NEDD4L: variants seen among roughly 807,000 people sequenced by gnomAD.
NEDD4L encodes the protein E3 ubiquitin-protein ligase NEDD4-like.
Under a neutral mutation model 148.9 loss-of-function variants are expected in NEDD4L, and 54 were observed. The ratio of observed to expected loss-of-function variants is 0.36; its 90% CI spans 0.29 to 0.45. NEDD4L has a LOEUF of 0.45. Ranked by LOEUF, NEDD4L falls within the 20% of genes least tolerant of loss-of-function variation. The pLI is 1.00. For synonymous variants in NEDD4L, 433 were observed against 440.7 expected, an observed-to-expected ratio of 0.98 and a Z score of 0.22; for missense variants, 856 against 1,233.8, an observed-to-expected ratio of 0.69 and a Z score of 4.59.
intron 30 of NEDD4L, among the ~76,000 whole-genome samples, chr18:58,393,167 A>G (rs2050049448): frequency 6.6e-6 from 1 of 152,252 alleles, no homozygotes; most frequent in Non-Finnish European, 1.5e-5. Context: ...CTGTGACTTC[A>G]GGGACACATA....
intron 2 of NEDD4L, among the ~76,000 whole-genome samples, chr18:58,169,268 C>A (rs535005310): frequency 6.6e-6 from 1 of 152,336 alleles, no homozygotes; most frequent in African/African-American, 2.4e-5. Flanking sequence ...CGAGCCGCGA[C>A]TCCACTTGAA....
At chr18:58,365,212 G>A (rs2045958395) in intron 20 of NEDD4L, among the ~76,000 whole-genome samples, 1 of 152,180 alleles carries the variant, frequency 6.6e-6, no homozygotes, top group African/African-American at 2.4e-5. Context: ...AACTGCTATT[G>A]AAATGATTCT....
At chr18:58,108,673 G>A (rs1211660029) in intron 1 of NEDD4L, among the ~76,000 whole-genome samples, 6 of 152,082 alleles carry the variant, frequency 3.9e-5, no homozygotes, top group African/African-American at 1.4e-4. Flanking sequence ...CACCCACCTC[G>A]GCCCCCCAAA....
intron 1 of NEDD4L, among the ~76,000 whole-genome samples, chr18:58,133,632 A>G (rs912346793): frequency 6.6e-6 from 1 of 152,224 alleles, no homozygotes; most frequent in African/African-American, 2.4e-5. Flanking sequence ...ATAATGCAGC[A>G]AACATATCAT....
intron 6 of NEDD4L, among the ~76,000 whole-genome samples, chr18:58,321,256 G>A (rs2149469436): frequency 6.6e-6 from 1 of 152,322 alleles, no homozygotes; most frequent in South Asian, 2.1e-4. Flanking sequence ...GGGTGATAAG[G>A]GTGGCTGATG....
chr18:58,264,465 T>C (rs565979504), intron 5 of NEDD4L, among the ~76,000 whole-genome samples: 1 of 152,230 alleles, frequency 6.6e-6, no homozygotes, highest in East Asian at 1.9e-4. Context: ...ATTTTAAAGA[T>C]GAGGAAAGTG....
At chr18:58,045,620 G>A (rs978244938) in intron 1 of NEDD4L, 1 of 152,864 alleles carries the variant, frequency 6.5e-6, no homozygotes, top group Non-Finnish European at 1.5e-5. Context: ...TTATTGGTAT[G>A]TTGCTCTGCC....
intron 1 of NEDD4L, among the ~76,000 whole-genome samples, chr18:58,132,281 G>A (rs911460199): frequency 5.3e-5 from 8 of 152,162 alleles, no homozygotes; most frequent in African/African-American, 1.9e-4. Flanking sequence ...GGAGAGAGGG[G>A]ATTAGAAGAA....
chr18:58,235,638 T>A (rs2045923351), intron 2 of NEDD4L, among the ~76,000 whole-genome samples: 1 of 152,200 alleles, frequency 6.6e-6, no homozygotes, highest in Admixed American at 6.5e-5. Flanking sequence ...ACGTTCATAG[T>A]TCCTGTGCTT....
chr18:58,155,283 C>G (rs1438876047), intron 1 of NEDD4L, among the ~76,000 whole-genome samples: 1 of 133,624 alleles, frequency 7.5e-6, no homozygotes, highest in Non-Finnish European at 1.6e-5. Context: ...AAAAAAAAAG[C>G]GAGACAATTT....
intron 5 of NEDD4L, among the ~76,000 whole-genome samples, chr18:58,294,297 T>C (rs2055215934): frequency 6.6e-6 from 1 of 152,216 alleles, no homozygotes; most frequent in South Asian, 2.1e-4. Context: ...ATCAAGGCTA[T>C]TGAATTTGGT....
chr18:58,398,359 G>A lies in NEDD4L; in HGVS notation c.*2090G>A, dbSNP rs901789879. 6.6e-6 allele frequency: 1 copy of A among 151,832 alleles called. No individual in the cohort carries two copies. The highest frequency in any genetic ancestry group is 1.5e-5 in the Non-Finnish European group (1 of 67,998). The allele number at this position is 151,832 out of a possible 1,614,324, so 9.4% of individuals were successfully genotyped here. ...CTGAGTCGAGCAGTATGCTTTCTTGGTTTTTGAGAGTAATTGTGTAATTGT... is the reference window on the plus strand; with the variant it reads ...CTGAGTCGAGCAGTATGCTTTCTTGATTTTTGAGAGTAATTGTGTAATTGT... On this transcript the variant is annotated 3_prime_UTR_variant, in exon 31 of 31. Coordinates refer to ENST00000400345, the MANE Select transcript of NEDD4L (RefSeq NM_001144967.3).
chr18:58,198,490 A>T (rs745349504), intron 2 of NEDD4L, among the ~76,000 whole-genome samples: 28 of 152,190 alleles, frequency 1.8e-4, no homozygotes, highest in Non-Finnish European at 3.7e-4. Flanking sequence ...TGCTGGTGGC[A>T]AAAGGATCCC....
At chr18:58,359,663 G>A (rs898156388) in intron 19 of NEDD4L, among the ~76,000 whole-genome samples, 2 of 152,224 alleles carry the variant, frequency 1.3e-5, no homozygotes, top group South Asian at 4.1e-4. Flanking sequence ...TTTCTGGGGT[G>A]AGTTTTGATC....
At chr18:58,095,098 T>G (rs1474422045) in intron 1 of NEDD4L, among the ~76,000 whole-genome samples, 1 of 152,204 alleles carries the variant, frequency 6.6e-6, no homozygotes, top group East Asian at 1.9e-4. Flanking sequence ...TTTCACAAGT[T>G]AAGATGTTGT....
At chr18:58,096,893 ATC>A (rs1471247033) in intron 1 of NEDD4L, among the ~76,000 whole-genome samples, 20 of 152,316 alleles carry the variant, frequency 1.3e-4, no homozygotes, top group Admixed American at 3.9e-4. Context: ...GCCTTGCAGA[ATC>A]TTTATCATTG....
intron 5 of NEDD4L, among the ~76,000 whole-genome samples, chr18:58,289,123 A>G (rs971724564): frequency 2.6e-5 from 4 of 152,248 alleles, no homozygotes; most frequent in Non-Finnish European, 5.9e-5. Context: ...TTCAGTGACA[A>G]GAGTGCCAGA....
intron 30 of NEDD4L, among the ~76,000 whole-genome samples, chr18:58,393,192 T>A (rs952478809): frequency 2.0e-5 from 3 of 152,256 alleles, no homozygotes; most frequent in African/African-American, 7.2e-5. Flanking sequence ...ACTATTGAAC[T>A]GTCTTTTTTA....
At chr18:58,291,790 A>G (rs1199063808) in intron 5 of NEDD4L, among the ~76,000 whole-genome samples, 2 of 151,988 alleles carry the variant, frequency 1.3e-5, no homozygotes, top group Non-Finnish European at 1.5e-5. Context: ...CCCCCACCCC[A>G]TGGATACAGT....
Sources: allele counts gnomAD v4.1 joint callset (sites outside exome capture counted in the v4.1 genomes callset), GRCh38; gene constraint gnomAD v4.1.1; transcripts MANE v1.5; gene names NCBI Gene and HGNC (gene_info 2026-07-23, HGNC 2026-07-21).